AFAP1L2: variants seen among roughly 807,000 people sequenced by gnomAD.
The protein encoded by AFAP1L2 is actin filament-associated protein 1-like 2.
In AFAP1L2, 46 loss-of-function variants were observed where a neutral mutation model predicts 99.3. That is an observed-to-expected ratio of 0.46 (90% confidence interval 0.37 to 0.59). The LOEUF (loss-of-function observed/expected upper bound fraction) is 0.59, where lower values mean the gene tolerates loss of function less well. Among genes scored for constraint, AFAP1L2 ranks in the 20% least tolerant of loss-of-function variants. The pLI, the probability that AFAP1L2 is intolerant of heterozygous loss-of-function variation, is 0.00. For synonymous variants in AFAP1L2, 397 were observed against 419.1 expected (o/e 0.95, Z 0.64); for missense variants, 959 against 1,034.9 (o/e 0.93, Z 1.01).
At chr10:114,305,951 C>G (rs1589991875) in intron 10 of AFAP1L2, among the ~76,000 whole-genome samples, 2 of 45,338 alleles carry the variant, frequency 4.4e-5, no homozygotes, top group Non-Finnish European at 4.0e-5. Context: ...GGAGGAGATG[C>G]AGATGCAGGG....
At chr10:114,327,163 ATATATATATATTTT>A (rs1186011415) in intron 4 of AFAP1L2, among the ~76,000 whole-genome samples, 2 of 81,372 alleles carry the variant, frequency 2.5e-5, no homozygotes, top group African/African-American at 6.4e-5. Flanking sequence ...ATATATATAT[ATATATATATATTTT>A]TTTTTTAGGC....
At chr10:114,282,396 G>C in the AFAP1L2 span, 2 of 785,466 alleles carry the variant, frequency 2.5e-6, no homozygotes, top group Non-Finnish European at 4.4e-6. Context: ...AAACCAGGAA[G>C]TCTTTCTTAC....
rs772485347 is a variant in AFAP1L2 at position 114,299,357 on chromosome 10, C to T, written c.2016G>A (p.Lys672=). ...CTTCCTTCTTCTTTTCAAGCCTCTC[C>T]TTCTCCTCTGTGTACCGCTTCACCT... The part of the protein sequence containing the change: ...EAEVKRYTEE[K]ERLEKKKEEI... The change falls in exon 16 of 19, where the codon AAG becomes AAA. Residue 672 remains lysine, a synonymous_variant. Coordinates refer to ENST00000304129, the MANE Select transcript of AFAP1L2 (RefSeq NM_001001936.3). The T allele has an allele frequency of 1.7e-5, 28 of 1,614,114 alleles. No homozygotes were observed. The highest frequency in any genetic ancestry group is 3.3e-5 in the Admixed American group (2 of 60,006).
chr10:114,335,735 T>A (rs1403973875), intron 2 of AFAP1L2, among the ~76,000 whole-genome samples: 1 of 152,156 alleles, frequency 6.6e-6, no homozygotes, highest in Non-Finnish European at 1.5e-5. Flanking sequence ...TTTACAAAGA[T>A]ACCCAAGACC....
intron 3 of AFAP1L2, among the ~76,000 whole-genome samples, chr10:114,332,390 G>A (rs1027046804): frequency 6.6e-6 from 1 of 152,230 alleles, no homozygotes. Context: ...AACCCTCGGT[G>A]CACTTGGAAG....
chr10:114,327,147 TTATATATATATATATATATATA>T (rs369500918), intron 4 of AFAP1L2, among the ~76,000 whole-genome samples: 1 of 54,538 alleles, frequency 1.8e-5, no homozygotes, highest in South Asian at 6.2e-4. Context: ...TTATATATAT[TTATATATATATATATATATATA>T]TATATTTTTT....
rs753771123 is a variant in AFAP1L2 at position 114,323,280 on chromosome 10, A to G, written c.316-19T>C. On this transcript the variant is annotated intron_variant, in intron 4 of 18. Transcript: ENST00000304129. ...CTGGAATCTGTGGTATGAACAAATA[A>G]GACAAACGTTTGCAGATATGGTACA... The G allele has an allele frequency of 5.7e-6, 9 of 1,573,278 alleles. No homozygotes were observed. The highest frequency in any genetic ancestry group is 7.8e-6 in the Non-Finnish European group (9 of 1,156,716).
At chr10:114,317,685 C>A (rs536520560) in intron 5 of AFAP1L2, among the ~76,000 whole-genome samples, 33 of 152,090 alleles carry the variant, frequency 2.2e-4, no homozygotes, top group African/African-American at 7.5e-4. Flanking sequence ...ATGGCAGAAC[C>A]CCATCTCTAA....
intron 11 of AFAP1L2, 67 bp from the exon 12 acceptor site, chr10:114,302,551 C>G: frequency 6.3e-7 from 1 of 1,599,018 alleles, no homozygotes; most frequent in Non-Finnish European, 8.5e-7. Flanking sequence ...CCCCTCCCCA[C>G]CAGGCCATGA....
Position 114,304,850 on chromosome 10 carries a change from C to G in AFAP1L2, c.1153G>C (p.Asp385His), listed in dbSNP as rs780400611. 1.9e-6 allele frequency: 3 copies of G among 1,613,374 alleles called. No homozygotes were observed. The highest frequency in any genetic ancestry group is 2.5e-6 in the Non-Finnish European group (3 of 1,180,034). ...VRDNHLHFYQ[D>H]RNRSKVAQQP... ...TGGGCCACCTTGCTCCGGTTCCGGT[C>G]CTGGTAGAAGTGCAGGTGATTGTCC... The change falls in exon 11 of 19, where the codon GAC becomes CAC. Residue 385 changes from aspartate to histidine, a missense_variant. By Grantham distance (81) the Asp-to-His change is moderately conservative. This residue lies in a region of AFAP1L2 where 576 missense variants were observed against 562.1 expected (regional missense o/e 1.02). Transcript: ENST00000304129.
At chr10:114,394,145 G>C (rs2057445613) in intron 1 of AFAP1L2, among the ~76,000 whole-genome samples, 2 of 152,162 alleles carry the variant, frequency 1.3e-5, no homozygotes, top group South Asian at 4.1e-4. Context: ...GTGCCGGGGG[G>C]ACGACCGGCA....
chr10:114,388,783 T>C (rs1304408268), intron 1 of AFAP1L2, among the ~76,000 whole-genome samples: 1 of 152,222 alleles, frequency 6.6e-6, no homozygotes, highest in Non-Finnish European at 1.5e-5. Flanking sequence ...GGGCTGATAC[T>C]TGAGCTTGAG....
chr10:114,404,503 C>G (rs558008019), upstream of AFAP1L2: 3 of 1,523,826 alleles, frequency 2.0e-6, no homozygotes, highest in East Asian at 2.6e-5. Flanking sequence ...GCGCTGCTCT[C>G]CCGGCGCTCG....
chr10:114,372,149 C>T (rs1018832811), intron 1 of AFAP1L2, among the ~76,000 whole-genome samples: 1 of 152,180 alleles, frequency 6.6e-6, no homozygotes, highest in South Asian at 2.1e-4. Context: ...GGGATTGATG[C>T]TCTAAATCGT....
intron 10 of AFAP1L2, 47 bp from the exon 11 acceptor site, chr10:114,304,977 G>GGAC (rs2041881317): frequency 1.3e-6 from 2 of 1,520,948 alleles, no homozygotes; most frequent in African/African-American, 2.8e-5. Flanking sequence ...CTGCAGGAGG[G>GGAC]GACGCAGATG....
At chr10:114,293,673 A>T (rs569584956), downstream of AFAP1L2, among the ~76,000 whole-genome samples, 1 of 152,354 alleles carries the variant, frequency 6.6e-6, no homozygotes, top group East Asian at 1.9e-4. Flanking sequence ...GCAATAATTA[A>T]AACATTGCAT....
chr10:114,295,368 T>TGATTCAGGCCTGCCTTGGACTG lies in AFAP1L2; in HGVS notation c.*652_*673dup. On this transcript the variant is annotated 3_prime_UTR_variant, in exon 19 of 19. Transcript: ENST00000304129. Reference sequence around the variant, plus strand: ...ACTTAAAATTTTATTTAAAGACAGTTGATTCAGGCCTGCCTTGGACTGGAA... The same window carrying TGATTCAGGCCTGCCTTGGACTG: ...ACTTAAAATTTTATTTAAAGACAGTTGATTCAGGCCTGCCTTGGACTGGATTCAGGCCTGCCTTGGACTGGAA... 1 of 985,748 alleles carries TGATTCAGGCCTGCCTTGGACTG rather than the reference T, an allele frequency of 1.0e-6. No homozygotes were observed. The highest frequency in any genetic ancestry group is 1.2e-6 in the Non-Finnish European group (1 of 829,794). 61.1% of individuals were successfully genotyped at this position (985,748 alleles called of 1,614,324 possible).
rs540004098 is a variant in AFAP1L2, at chr10:114,394,916, C to T, written c.16+9524G>A. ...TCCAGGGGCTCCAGACATCTGGAAC[C>T]GTCACAGCACAACTGTGTCACAGCC... On this transcript the variant is annotated intron_variant, in intron 1 of 18. Coordinates refer to ENST00000304129, the MANE Select transcript of AFAP1L2 (RefSeq NM_001001936.3). Among the ~76,000 whole-genome samples the T allele has an allele frequency of 1.1e-4, 16 of 152,216 alleles. 1 individual carries two copies. The highest frequency in any genetic ancestry group is 3.4e-4 in the African/African-American group (14 of 41,528).
intron 4 of AFAP1L2, among the ~76,000 whole-genome samples, chr10:114,327,445 A>G: frequency 6.6e-6 from 1 of 152,006 alleles, no homozygotes; most frequent in Admixed American, 6.6e-5. Flanking sequence ...GACTGTGAAT[A>G]TTAAATGAAG....
Sources: gnomAD v4.1 joint callset for allele counts (sites outside exome capture counted in the v4.1 genomes callset) on GRCh38, gnomAD v4.1.1 for gene constraint, gnomAD v4.1.1 regional missense constraint, MANE v1.5 for transcripts, NCBI Gene and HGNC (gene_info 2026-07-23, HGNC 2026-07-21) for gene names.